BIK: variants seen among roughly 807,000 people sequenced by gnomAD.
BIK encodes the protein bcl-2-interacting killer.
A neutral mutation model predicts 12.1 loss-of-function variants in BIK; 14 were observed. That is an observed-to-expected ratio of 1.16 (90% CI 0.77 to 1.81). The LOEUF is 1.81. BIK is among the 40% of genes most tolerant of loss of function. The pLI, the probability that BIK is intolerant of heterozygous loss-of-function variation, is 0.00. For synonymous variants in BIK, 86 were observed against 92.3 expected (o/e 0.93, Z 0.39); for missense variants, 215 against 207.9 (o/e 1.03, Z -0.21).
chr22:43,124,667 G>A (rs1356892161), intron 2 of BIK, among the ~76,000 whole-genome samples: 1 of 152,204 alleles, frequency 6.6e-6, no homozygotes, highest in Non-Finnish European at 1.5e-5. Flanking sequence ...TGAGGCAGGC[G>A]GATCACTTGA....
rs4988378 is a variant in BIK at position 43,111,798 on chromosome 22, A to G, written c.-8+995A>G. On this transcript the variant is annotated intron_variant, in intron 1 of 4. Transcript: ENST00000216115. ...AGCCTCATGTCCCCGCATTAGGAGG[A>G]GCGCAGTCTGGTGGGCACTAGCGCC... Among the ~76,000 whole-genome samples, 234 of 152,178 alleles carry G rather than the reference A, an allele frequency of 1.5e-3. 1 individual carries two copies. Among genetic ancestry groups the G allele is most frequent in the Admixed American group, 0.014 (217 of 15,272 alleles).
intron 1 of BIK, among the ~76,000 whole-genome samples, chr22:43,121,634 T>C (rs1046631177): frequency 6.6e-6 from 1 of 151,910 alleles, no homozygotes; most frequent in Non-Finnish European, 1.5e-5. Context: ...GAGACTGCCT[T>C]TTCGAGGGGA....
chr22:43,116,808 G>A (rs527397644), intron 1 of BIK, among the ~76,000 whole-genome samples: 15 of 152,284 alleles, frequency 9.9e-5, no homozygotes, highest in African/African-American at 3.1e-4. Flanking sequence ...GTGTGGTGGC[G>A]TGCACCTGTA....
Position 43,127,787 on chromosome 22 carries a change from C to T in BIK, c.252C>T (p.Ala84=). 1.3e-6 allele frequency: 2 copies of T among 1,550,752 alleles called. No individual in the cohort carries two copies. Among genetic ancestry groups the T allele is most frequent in the South Asian group, 1.2e-5 (1 of 84,080 alleles). ...GCCTGGCCCAGCTCTCCGAGGTGGC[C>T]ATGCACAGGTAGCCGGCCTATGCCC... ...APRLAQLSEV[A]MHSLGLAFIY... The change falls in exon 3 of 5, where the codon GCC becomes GCT. Residue 84 remains alanine, a synonymous_variant. Transcript: ENST00000216115.
intron 1 of BIK, among the ~76,000 whole-genome samples, chr22:43,120,196 C>T (rs116119143): frequency 0.01 from 1,578 of 152,154 alleles, 27 homozygotes; most frequent in African/African-American, 0.036. Flanking sequence ...CACAACCCCC[C>T]ACTTGTTTTT....
rs1569468783 is a variant in BIK, at chr22:43,129,254, G to GGT, written c.433_434insTG (p.Ala145ValfsTer56). ...TGCTGCTGGCGCTGCTGCTGCTGCTGGCGCTGCTGCTGCCGCTGCTCAGCG... is the reference window on the plus strand; with the variant it reads ...TGCTGCTGGCGCTGCTGCTGCTGCTGGTGCGCTGCTGCTGCCGCTGCTCAGCG... On this transcript the variant is annotated frameshift_variant, in exon 5 of 5. Coordinates refer to ENST00000216115, the MANE Select transcript of BIK (RefSeq NM_001197.5). LOFTEE classifies it low-confidence loss of function (END_TRUNC). The GGT allele has an allele frequency of 1.3e-6, 2 of 1,599,148 alleles. No homozygotes were observed. The highest frequency in any genetic ancestry group is 3.3e-5 in the Admixed American group (2 of 59,940).
At chr22:43,115,030 A>G (rs1930083941) in intron 1 of BIK, among the ~76,000 whole-genome samples, 1 of 152,206 alleles carries the variant, frequency 6.6e-6, no homozygotes, top group South Asian at 2.1e-4. Flanking sequence ...GGCTGTCTGC[A>G]TCCTCTCACC....
intron 1 of BIK, among the ~76,000 whole-genome samples, chr22:43,118,881 G>A (rs927121898): frequency 2.6e-5 from 4 of 151,926 alleles, no homozygotes; most frequent in African/African-American, 4.8e-5. Flanking sequence ...CTCGGCCCTC[G>A]AACACCTGCT....
At chr22:43,128,748 A>G in intron 4 of BIK, 123 bp downstream of exon 4, 1 of 1,370,630 alleles carries the variant, frequency 7.3e-7, no homozygotes, top group African/African-American at 1.5e-5. Context: ...CTGTGTCCAC[A>G]TCTGCCTGAT....
chr22:43,114,959 C>T (rs138017176), intron 1 of BIK, among the ~76,000 whole-genome samples: 225 of 152,324 alleles, frequency 1.5e-3, no homozygotes, highest in African/African-American at 5.1e-3. Context: ...AGCCTGCCAT[C>T]GTGAGCCCAG....
At chr22:43,112,274 C>T (rs371636255) in intron 1 of BIK, among the ~76,000 whole-genome samples, 4 of 152,302 alleles carry the variant, frequency 2.6e-5, no homozygotes, top group African/African-American at 9.6e-5. Flanking sequence ...TCTCGGCTAA[C>T]TGCAACCTCG....
rs759730906 is a variant in BIK at position 43,127,762 on chromosome 22, G to A, written c.227G>A (p.Arg76His). Residue 76 changes from arginine (R) to histidine (H), a missense_variant, in exon 3 of 5, where the codon CGC becomes CAC. Transcript: ENST00000216115. The stretch of plus-strand genomic sequence containing the variant: ...ATGGACGTGAGCCTCAGGGCCCCGC[G>A]CCTGGCCCAGCTCTCCGAGGTGGCC... The part of the protein sequence containing the change: ...DEMDVSLRAP[R>H]LAQLSEVAMH... 40 of 1,553,040 alleles carry A rather than the reference G, an allele frequency of 2.6e-5. No homozygotes were observed. Among genetic ancestry groups the A allele is most frequent in the Admixed American group, 2.3e-4 (12 of 51,306 alleles).
chr22:43,112,229 G>C (rs1403637117), intron 1 of BIK, among the ~76,000 whole-genome samples: 2 of 151,972 alleles, frequency 1.3e-5, no homozygotes, highest in African/African-American at 4.8e-5. Context: ...ACAGAGCTTC[G>C]CTCTTGTTGC....
chr22:43,127,714 G>A lies in BIK; in HGVS notation c.179G>A (p.Arg60Gln), dbSNP rs1222420828. 1.2e-5 allele frequency: 19 copies of A among 1,555,466 alleles called. No individual in the cohort carries two copies. Among genetic ancestry groups the A allele is most frequent in the East Asian group, 2.4e-5 (1 of 41,402 alleles). ...CCCTGCAGTGACGCATTGGCCCTGCGGCTGGCCTGCATCGGGGACGAGATG... is the reference window on the plus strand; with the variant it reads ...CCCTGCAGTGACGCATTGGCCCTGCAGCTGGCCTGCATCGGGGACGAGATG... The part of the protein sequence containing the change: ...CMEGSDALAL[R>Q]LACIGDEMDV... The change falls in exon 3 of 5, where the codon CGG (arginine) becomes CAG (glutamine). Residue 60 changes from arginine to glutamine, a missense_variant. Coordinates refer to ENST00000216115, the MANE Select transcript of BIK (RefSeq NM_001197.5).
intron 1 of BIK, among the ~76,000 whole-genome samples, chr22:43,116,377 G>A (rs1601728465): frequency 1.3e-5 from 2 of 152,152 alleles, no homozygotes; most frequent in Admixed American, 1.3e-4. Context: ...CTGGGCTCAA[G>A]TGATCCTTTC....
At position 43,124,167 on chromosome 22, in the gene BIK, G is replaced by C. The variant is rs751655834; in HGVS notation, c.145G>C (p.Glu49Gln). ...LDPMEDFDSL[E>Q]CMEGSDALAL... The stretch of plus-strand genomic sequence containing the variant: ...CCCTATGGAGGACTTCGATTCTTTG[G>C]AATGCATGGAGGGCAGGTAGGTCCC... The change falls in exon 2 of 5, where the codon GAA becomes CAA. Residue 49 changes from glutamate (E) to glutamine (Q), a missense_variant. By Grantham distance (29) the Glu-to-Gln change is conservative. Transcript: ENST00000216115. The C allele has an allele frequency of 6.2e-7, 1 of 1,614,100 alleles. No individual in the cohort carries two copies. Among genetic ancestry groups the C allele is most frequent in the Middle Eastern group, 1.7e-4 (1 of 6,046 alleles).
At chr22:43,127,816 G>T in intron 3 of BIK, 21 bp downstream of exon 3, 2 of 1,541,568 alleles carry the variant, frequency 1.3e-6, no homozygotes, top group Non-Finnish European at 1.8e-6. Flanking sequence ...TATGCCCTAT[G>T]CCTCTACACC....
chr22:43,118,203 T>C (rs1930155330), intron 1 of BIK, among the ~76,000 whole-genome samples: 1 of 152,040 alleles, frequency 6.6e-6, no homozygotes, highest in South Asian at 2.1e-4. Context: ...TCAAAGGTCA[T>C]GTGCGTGTGT....
intron 1 of BIK, 23 bp from the exon 2 acceptor site, chr22:43,123,993 C>T (rs184530571): frequency 1.1e-5 from 18 of 1,612,904 alleles, no homozygotes; most frequent in Middle Eastern, 1.7e-4. Flanking sequence ...GGGGTCCAGT[C>T]ATATGCTGTC....
Sources: gnomAD v4.1 joint callset for allele counts (sites outside exome capture counted in the v4.1 genomes callset) on GRCh38, gnomAD v4.1.1 for gene constraint, MANE v1.5 for transcripts, NCBI Gene and HGNC (gene_info 2026-07-23, HGNC 2026-07-21) for gene names.